The following ZSWIM7 variants were observed in gnomAD, a reference collection of about 807,000 sequenced individuals.
The protein encoded by ZSWIM7 is zinc finger SWIM-type containing 7.
A neutral mutation model predicts 21.1 loss-of-function variants in ZSWIM7; 22 were observed. The observed-to-expected ratio is 1.04, with a 90% CI of 0.74 to 1.49. ZSWIM7 has a LOEUF of 1.49. Among genes scored for constraint, ZSWIM7 ranks in the 40% most tolerant of loss-of-function variants. The pLI is 0.00. For missense variants in ZSWIM7, 193 were observed against 168.0 expected, an observed-to-expected ratio of 1.15 and a Z score of -0.82; for synonymous variants, 67 against 66.5, an observed-to-expected ratio of 1.01 and a Z score of -0.04.
At chr17:15,994,311 C>A (rs75578014) in intron 1 of ZSWIM7, among the ~76,000 whole-genome samples, 212 of 152,248 alleles carry the variant, frequency 1.4e-3, no homozygotes, top group African/African-American at 4.8e-3. Flanking sequence ...GAAACAACAG[C>A]CATGATACAT....
At chr17:15,980,803 A>G (rs1970346516) in intron 4 of ZSWIM7, among the ~76,000 whole-genome samples, 1 of 152,138 alleles carries the variant, frequency 6.6e-6, no homozygotes, top group Non-Finnish European at 1.5e-5. Flanking sequence ...TTCCTTCTCA[A>G]AGCTTCACTC....
rs368188250 is a variant in ZSWIM7, at chr17:15,978,982, TTTTA to T, written c.307-823_307-820del. 8.9e-3 allele frequency among the ~76,000 whole-genome samples: 1,344 copies of T among 151,198 alleles called. 7 individuals carry two copies. Among genetic ancestry groups the T allele is most frequent in the Non-Finnish European group, 0.014 (920 of 67,788 alleles). ...TTTTTAATTTTAATTTTAATTTTTG[TTTTA>T]TTTATTTATTTATTTATTTTTATTG... On this transcript the variant is annotated intron_variant, in intron 4 of 4. Coordinates refer to ENST00000399277, the MANE Select transcript of ZSWIM7 (RefSeq NM_001042697.2).
chr17:15,992,115 C>T (rs563935410), intron 2 of ZSWIM7, among the ~76,000 whole-genome samples: 82 of 151,928 alleles, frequency 5.4e-4, no homozygotes, highest in African/African-American at 1.9e-3. Context: ...TTAGTAGAGA[C>T]GGGGTTTCAC....
chr17:15,980,975 C>A, intron 4 of ZSWIM7, 65 bp downstream of exon 4: 3 of 1,268,304 alleles, frequency 2.4e-6, no homozygotes, highest in Admixed American at 2.2e-5. Flanking sequence ...AATAGTTAAA[C>A]CACAAAGTAA....
intron 3 of ZSWIM7, among the ~76,000 whole-genome samples, chr17:15,981,822 GGGAGGACTGCTTGAGCCT>G (rs1162353483): frequency 6.6e-6 from 1 of 152,196 alleles, no homozygotes; most frequent in Admixed American, 6.5e-5. Context: ...AGGCTGAGAA[GGGAGGACTGCTTGAGCCT>G]GGGAGGTCAA....
intron 1 of ZSWIM7, chr17:15,999,289 A>T: frequency 1.6e-6 from 1 of 638,986 alleles, no homozygotes; most frequent in Non-Finnish European, 2.7e-6. Flanking sequence ...GGCTCCTGCA[A>T]CTGCGCTGTA....
At chr17:15,989,961 C>T (rs1221470666) in intron 2 of ZSWIM7, among the ~76,000 whole-genome samples, 2 of 152,088 alleles carry the variant, frequency 1.3e-5, no homozygotes, top group African/African-American at 4.8e-5. Flanking sequence ...TGGCTCACAC[C>T]TGTAATCCCA....
At chr17:15,996,413 A>C (rs1307202795) in intron 1 of ZSWIM7, among the ~76,000 whole-genome samples, 2 of 152,190 alleles carry the variant, frequency 1.3e-5, no homozygotes, top group African/African-American at 2.4e-5. Flanking sequence ...TGGGAGGCCA[A>C]GGCAGAAGGA....
intron 3 of ZSWIM7, among the ~76,000 whole-genome samples, chr17:15,982,065 C>T (rs1458875086): frequency 6.6e-6 from 1 of 151,892 alleles, no homozygotes; most frequent in African/African-American, 2.4e-5. Context: ...AGAGGCAGGC[C>T]CAGATCTGCC....
chr17:15,979,879 ACCCCCCCACCTCCCTCCCGGACG>A (rs1970332884), intron 4 of ZSWIM7, among the ~76,000 whole-genome samples: 2 of 29,192 alleles, frequency 6.9e-5, no homozygotes, highest in African/African-American at 5.8e-4. Context: ...CGGGGGGCTG[ACCCCCCCACCTCCCTCCCGGACG>A]GGGGGCTGAA....
rs199843558 is a variant in ZSWIM7, at chr17:15,999,659, C to A, written c.-65G>T. On this transcript the variant is annotated 5_prime_UTR_variant, in exon 1 of 5. Coordinates refer to ENST00000399277, the MANE Select transcript of ZSWIM7 (RefSeq NM_001042697.2). ...GCGACGCTCCAGCTGACTGCGCCTA[C>A]CTGTGGAGGATCCTGACCCCCCGCC... is the stretch of plus-strand genomic sequence containing the variant. 2.6e-6 allele frequency: 4 copies of A among 1,563,786 alleles called. No homozygotes were observed. Among genetic ancestry groups the A allele is most frequent in the Non-Finnish European group, 3.5e-6 (4 of 1,155,250 alleles).
intron 1 of ZSWIM7, among the ~76,000 whole-genome samples, chr17:15,994,812 T>C (rs1000801482): frequency 1.3e-5 from 2 of 152,136 alleles, no homozygotes; most frequent in African/African-American, 4.8e-5. Flanking sequence ...GGAATGACAC[T>C]GAAATGGTTT....
chr17:15,985,206 A>G (rs1388898326), intron 3 of ZSWIM7, among the ~76,000 whole-genome samples: 1 of 151,946 alleles, frequency 6.6e-6, no homozygotes, highest in Non-Finnish European at 1.5e-5. Context: ...CAGGAGGCTG[A>G]GGCAGAAGAA....
chr17:15,997,974 G>A (rs575745018), intron 1 of ZSWIM7, among the ~76,000 whole-genome samples: 42 of 152,180 alleles, frequency 2.8e-4, no homozygotes, highest in East Asian at 5.8e-4. Context: ...GGTGGCATGC[G>A]CCTGTAGTCA....
At chr17:15,995,538 A>T (rs1284370890) in intron 1 of ZSWIM7, among the ~76,000 whole-genome samples, 3 of 150,246 alleles carry the variant, frequency 2.0e-5, no homozygotes, top group Non-Finnish European at 4.4e-5. Flanking sequence ...CTGGGATTAC[A>T]GGCATGAGCC....
At chr17:15,979,939 G>C (rs1345499853) in intron 4 of ZSWIM7, among the ~76,000 whole-genome samples, 1 of 111,026 alleles carries the variant, frequency 9.0e-6, no homozygotes, top group African/African-American at 4.0e-5. Flanking sequence ...CGGACGGGGC[G>C]GCTGGCCGGG....
intron 4 of ZSWIM7, among the ~76,000 whole-genome samples, chr17:15,979,913 C>T (rs1460598540): frequency 1.1e-5 from 1 of 88,196 alleles, no homozygotes; most frequent in African/African-American, 5.9e-5. Flanking sequence ...GGGGGCTGAA[C>T]CCCCCACCTC....
chr17:15,986,187 G>A lies in ZSWIM7; in HGVS notation c.201+1079C>T, dbSNP rs974680625. Among the ~76,000 whole-genome samples, 136 of 152,114 alleles carry A rather than the reference G, an allele frequency of 8.9e-4. 1 individual carries two copies. Among genetic ancestry groups the A allele is most frequent in the Non-Finnish European group, 8.2e-4 (56 of 68,024 alleles). Reference sequence around the variant, plus strand: ...ACCTCCCGAGTAGCTGGAATTACAGGCACCTGCCACCACACCCAGCTAATT... The same window carrying A: ...ACCTCCCGAGTAGCTGGAATTACAGACACCTGCCACCACACCCAGCTAATT... On this transcript the variant is annotated intron_variant, in intron 3 of 4. Transcript: ENST00000399277.
At chr17:15,995,973 A>G (rs1405739095) in intron 1 of ZSWIM7, among the ~76,000 whole-genome samples, 1 of 152,254 alleles carries the variant, frequency 6.6e-6, no homozygotes, top group Admixed American at 6.5e-5. Flanking sequence ...GAGTAACACT[A>G]GAAGCTAAGA....
Sources: gnomAD v4.1 joint callset for allele counts (sites outside exome capture counted in the v4.1 genomes callset) on GRCh38, gnomAD v4.1.1 for gene constraint, MANE v1.5 for transcripts, NCBI Gene and HGNC (gene_info 2026-07-23, HGNC 2026-07-21) for gene names.